IQUB: variants seen among roughly 807,000 people sequenced by gnomAD.
IQUB encodes the protein IQ motif and ubiquitin-like domain-containing protein.
A neutral mutation model predicts 86.4 loss-of-function variants in IQUB; 86 were observed. The observed-to-expected ratio is 1.00, with a 90% CI of 0.84 to 1.19. The LOEUF (loss-of-function observed/expected upper bound fraction) is 1.19. Among genes scored for constraint, IQUB ranks in the 50% most tolerant of loss-of-function variants. The probability of loss-of-function intolerance (pLI) is 0.00; values close to 1 mark genes in which losing one functional copy is unlikely to be tolerated. For synonymous variants in IQUB, 289 were observed against 304.5 expected (o/e 0.95, Z 0.53); for missense variants, 946 against 916.9 (o/e 1.03, Z -0.41).
chr7:123,505,264 T>C (rs1796125647), intron 3 of IQUB, among the ~76,000 whole-genome samples: 2 of 152,170 alleles, frequency 1.3e-5, no homozygotes, highest in African/African-American at 2.4e-5. Context: ...AGGTGCACAG[T>C]ACAAGCTGCT....
chr7:123,519,470 A>T (rs1796801682), intron 1 of IQUB, among the ~76,000 whole-genome samples: 1 of 152,272 alleles, frequency 6.6e-6, no homozygotes, highest in Non-Finnish European at 1.5e-5. Context: ...TAAGCCATAA[A>T]AAAGAATGAA....
intron 7 of IQUB, among the ~76,000 whole-genome samples, chr7:123,488,845 T>G (rs1315922561): frequency 6.6e-6 from 1 of 152,174 alleles, no homozygotes; most frequent in Non-Finnish European, 1.5e-5. Flanking sequence ...ATAAGAAATA[T>G]TAATCACAAT....
chr7:123,518,487 GC>G (rs1796752480), intron 1 of IQUB, among the ~76,000 whole-genome samples: 1 of 151,996 alleles, frequency 6.6e-6, no homozygotes. Flanking sequence ...AAATGATCTA[GC>G]CCCTGCCTCT....
At chr7:123,508,305 A>T (rs1796277432) in intron 3 of IQUB, among the ~76,000 whole-genome samples, 1 of 152,228 alleles carries the variant, frequency 6.6e-6, no homozygotes, top group Non-Finnish European at 1.5e-5. Flanking sequence ...ATTTATCTCA[A>T]TGAAATTAAT....
intron 3 of IQUB, among the ~76,000 whole-genome samples, chr7:123,507,993 G>A (rs2117237621): frequency 6.6e-6 from 1 of 152,256 alleles, no homozygotes; most frequent in South Asian, 2.1e-4. Context: ...GGCAAAAGTG[G>A]CTTTGCAGAT....
intron 3 of IQUB, among the ~76,000 whole-genome samples, chr7:123,504,428 G>A (rs1299247963): frequency 3.3e-5 from 5 of 152,034 alleles, no homozygotes; most frequent in East Asian, 1.9e-4. Context: ...AAGCCTGAAC[G>A]ACGGAGCAAA....
At chr7:123,469,850 A>C (rs1018418303) in intron 8 of IQUB, among the ~76,000 whole-genome samples, 6 of 152,178 alleles carry the variant, frequency 3.9e-5, no homozygotes, top group Non-Finnish European at 5.9e-5. Flanking sequence ...GTTATGGTTT[A>C]ATGTCCTATA....
At chr7:123,517,335 T>G (rs1584640829) in intron 1 of IQUB, among the ~76,000 whole-genome samples, 2 of 151,264 alleles carry the variant, frequency 1.3e-5, no homozygotes, top group Non-Finnish European at 2.9e-5. Context: ...ATCGAGACCA[T>G]CCTGGCTAAC....
intron 1 of IQUB, among the ~76,000 whole-genome samples, chr7:123,523,506 G>C (rs1797015836): frequency 6.6e-6 from 1 of 152,056 alleles, no homozygotes; most frequent in East Asian, 1.9e-4. Flanking sequence ...GTCTTCTTTT[G>C]AGAAGTGTCT....
chr7:123,510,186 G>A, intron 2 of IQUB, 151 bp from the exon 3 acceptor site: 1 of 553,604 alleles, frequency 1.8e-6, no homozygotes, highest in South Asian at 2.9e-5. Flanking sequence ...GTGCCCCAAT[G>A]ATAACAGTTA....
At chr7:123,458,139 A>G (rs1793803165) in intron 11 of IQUB, 1 of 152,014 alleles carries the variant, frequency 6.6e-6, no homozygotes, top group Non-Finnish European at 1.5e-5. Context: ...CTTAGTGTTA[A>G]TTAAAAGACT....
intron 9 of IQUB, among the ~76,000 whole-genome samples, chr7:123,465,960 G>A (rs1794240328): frequency 6.6e-6 from 1 of 151,876 alleles, no homozygotes; most frequent in South Asian, 2.1e-4. Context: ...ATGTACTGAG[G>A]TTTAAAATTC....
chr7:123,516,124 T>C (rs1327445601), intron 1 of IQUB, among the ~76,000 whole-genome samples: 1 of 150,464 alleles, frequency 6.6e-6, no homozygotes, highest in African/African-American at 2.5e-5. Flanking sequence ...CTCCTTTCAG[T>C]AGGGGGAAAA....
chr7:123,478,447 G>A (rs1047568256), intron 8 of IQUB, among the ~76,000 whole-genome samples: 11 of 152,098 alleles, frequency 7.2e-5, no homozygotes, highest in Admixed American at 6.5e-4. Context: ...GGGAGGGATA[G>A]CATTAGGAGA....
intron 6 of IQUB, among the ~76,000 whole-genome samples, chr7:123,500,179 G>A (rs865921190): frequency 6.6e-6 from 1 of 152,150 alleles, no homozygotes; most frequent in African/African-American, 2.4e-5. Context: ...CTGTGGAGTA[G>A]CCATTCTTTT....
chr7:123,504,518 G>C (rs923058827), intron 3 of IQUB, among the ~76,000 whole-genome samples: 4 of 152,100 alleles, frequency 2.6e-5, no homozygotes, highest in Non-Finnish European at 5.9e-5. Context: ...TGGCTGGGGA[G>C]GCCTCAGGAA....
intron 1 of IQUB, among the ~76,000 whole-genome samples, chr7:123,529,802 G>A (rs1204585602): frequency 1.3e-5 from 2 of 151,152 alleles, no homozygotes; most frequent in African/African-American, 2.4e-5. Context: ...TTGGGAGGCT[G>A]AGCAGACGGA....
At chr7:123,533,811 C>A (rs894264972) in intron 1 of IQUB, among the ~76,000 whole-genome samples, 13 of 152,186 alleles carry the variant, frequency 8.5e-5, no homozygotes, top group African/African-American at 3.1e-4. Flanking sequence ...TTTCACTCTT[C>A]ATTCTTTTTA....
chr7:123,523,039 T>C (rs1454745399), intron 1 of IQUB, among the ~76,000 whole-genome samples: 2 of 150,960 alleles, frequency 1.3e-5, no homozygotes, highest in African/African-American at 4.9e-5. Context: ...GAACTCATCA[T>C]TTTTTATGGC....
Sources: allele counts gnomAD v4.1 joint callset (sites outside exome capture counted in the v4.1 genomes callset), GRCh38; gene constraint gnomAD v4.1.1; transcripts MANE v1.5; gene names NCBI Gene and HGNC (gene_info 2026-07-23, HGNC 2026-07-21).